Variants in AMELX observed in about 807,000 individuals in gnomAD.
The protein encoded by AMELX is amelogenin X-linked.
A neutral mutation model predicts 15.8 loss-of-function variants in AMELX; 9 were observed. The ratio of observed to expected loss-of-function variants is 0.57; its 90% CI spans 0.34 to 0.99. The LOEUF (loss-of-function observed/expected upper bound fraction) is 0.99, where lower values mean the gene tolerates loss of function less well. Ranked by LOEUF, AMELX falls within the 50% of genes least tolerant of loss-of-function variation. The pLI is 0.02. For synonymous variants in AMELX, 61 were observed against 58.8 expected (o/e 1.04, Z -0.17); for missense variants, 107 against 156.2 (o/e 0.68, Z 1.68).
chrX:11,294,690 A>C (rs2048051582), intron 1 of AMELX, 87 bp from the exon 2 acceptor site: 1 of 946,746 alleles, frequency 1.1e-6, no homozygotes, highest in Admixed American at 2.2e-5. Flanking sequence ...GCAATAGACT[A>C]ATGTAGATTA....
At chrX:11,299,122 T>C (rs1363696137) in intron 5 of AMELX, 149 bp downstream of exon 5, 7 of 746,906 alleles carry the variant, frequency 9.4e-6, no homozygotes, top group Non-Finnish European at 1.4e-5. Context: ...CAATATGCTA[T>C]ACCTTTATGT....
At chrX:11,298,417 C>G in intron 4 of AMELX, 131 bp from the exon 5 acceptor site, 1 of 1,125,870 alleles carries the variant, frequency 8.9e-7, no homozygotes, top group Admixed American at 2.2e-5. Context: ...TCTGTGTACA[C>G]AGTTACAAAT....
At chrX:11,295,523 T>G (rs1247725839) in intron 2 of AMELX, among the ~76,000 whole-genome samples, 1 of 111,448 alleles carries the variant, frequency 9.0e-6, no homozygotes, top group African/African-American at 3.3e-5. Context: ...GGCAGAGAAC[T>G]TAGATCACAT....
Position 11,298,276 on chromosome X carries a change from C to T in AMELX, c.143C>T (p.Pro48Leu), listed in dbSNP as rs144955572. The stretch of plus-strand genomic sequence containing the variant: ...AAGTGGTACCAGAGCATAAGGCCAC[C>T]GGTATGTAGACATTTTGTTCCTTAT... ...PLKWYQSIRP[P>L]YPSYGYEPMG... is the part of the protein sequence containing the mutation. The change falls in exon 4 of 6, where the codon CCG (proline) becomes CTG (leucine). Residue 48 changes from proline (P) to leucine (L), a missense_variant and splice_region_variant. Coordinates refer to ENST00000380714, the MANE Select transcript of AMELX (RefSeq NM_001142.2). The T allele has an allele frequency of 1.6e-5, 19 of 1,207,719 alleles. No individual in the cohort carries two copies. Among genetic ancestry groups the T allele is most frequent in the African/African-American group, 1.4e-4 (8 of 56,969 alleles).
At chrX:11,304,308 T>C (rs1340213797), downstream of AMELX, among the ~76,000 whole-genome samples, 1 of 110,729 alleles carries the variant, frequency 9.0e-6, no homozygotes, top group Non-Finnish European at 1.9e-5. Context: ...CAGGCTGGTC[T>C]TGAACTCCTG....
intron 4 of AMELX, 44 bp from the exon 5 acceptor site, chrX:11,298,504 G>A (rs1420484946): frequency 4.1e-6 from 5 of 1,204,947 alleles, no homozygotes; most frequent in Non-Finnish European, 5.6e-6. Context: ...TCTGGTTGGA[G>A]TCACCTGAGC....
At chrX:11,303,369 T>A (rs1332177939), downstream of AMELX, among the ~76,000 whole-genome samples, 4 of 112,247 alleles carry the variant, frequency 3.6e-5, no homozygotes, top group Non-Finnish European at 7.5e-5. Context: ...CACCTGACTC[T>A]TCCAGACGAT....
intron 2 of AMELX, 144 bp from the exon 3 acceptor site, chrX:11,296,635 C>T: frequency 1.5e-6 from 1 of 654,180 alleles, no homozygotes; most frequent in Non-Finnish European, 2.4e-6. Context: ...GTATATTCTG[C>T]ACTATATAGA....
chrX:11,301,371 C>A (rs924649180), downstream of AMELX, among the ~76,000 whole-genome samples: 11 of 112,023 alleles, frequency 9.8e-5, no homozygotes, highest in Non-Finnish European at 1.7e-4. Context: ...GTATAGTCTT[C>A]AAAATGTTAA....
At chrX:11,301,754 A>T, downstream of AMELX, among the ~76,000 whole-genome samples, 1 of 112,362 alleles carries the variant, frequency 8.9e-6, no homozygotes, top group Non-Finnish European at 1.9e-5. Context: ...TGGTGAAAAG[A>T]GCAAGGCCCC....
At chrX:11,296,894 A>G (rs1275669963) in intron 3 of AMELX, 68 bp downstream of exon 3, 14 of 1,117,644 alleles carry the variant, frequency 1.3e-5, no homozygotes, top group Admixed American at 2.2e-5. Flanking sequence ...TGTAAAGAAT[A>G]GTGTGTTGAT....
At chrX:11,300,081 T>C (rs767670963) in intron 5 of AMELX, among the ~76,000 whole-genome samples, 16 of 112,046 alleles carry the variant, frequency 1.4e-4, no homozygotes, top group Non-Finnish European at 2.4e-4. Flanking sequence ...TCGGTGCCTA[T>C]CATTGGCTAT....
At chrX:11,297,958 C>A in intron 3 of AMELX, 1 of 607,454 alleles carries the variant, frequency 1.6e-6, no homozygotes, top group Non-Finnish European at 2.8e-6. Flanking sequence ...TTTAACTCCC[C>A]ATAACCTTAT....
chrX:11,304,777 C>CTTTTTTTT (rs953912280), downstream of AMELX, among the ~76,000 whole-genome samples: 14 of 50,281 alleles, frequency 2.8e-4, 1 homozygote, highest in African/African-American at 7.8e-4. Context: ...CTTTCTTTTA[C>CTTTTTTTT]TTTTTTTTTT....
At position 11,293,472 on chromosome X, in the gene AMELX, T is replaced by C. The variant is rs1212114267; in HGVS notation, c.-13+4T>C. ...CTTGCACTGAATACATTCAAAGGTA[T>C]GTGGATTTTATTTATAATTTGATAT... is the stretch of plus-strand genomic sequence containing the variant. On this transcript the variant is annotated splice_donor_region_variant and intron_variant, in intron 1 of 5. Transcript: ENST00000380714. 1 of 112,322 alleles carries C rather than the reference T, an allele frequency of 8.9e-6. No individual in the cohort carries two copies. The highest frequency in any genetic ancestry group is 1.9e-5 in the Non-Finnish European group (1 of 53,247). 9.3% of individuals were successfully genotyped at this position (112,322 alleles called of 1,213,427 possible).
chrX:11,301,583 T>C (rs1044856861), downstream of AMELX, among the ~76,000 whole-genome samples: 3 of 112,008 alleles, frequency 2.7e-5, no homozygotes, highest in African/African-American at 9.7e-5. Flanking sequence ...ATAACTTTAT[T>C]GGGAGGGTGT....
chrX:11,298,182 T>C (rs1267376409), intron 3 of AMELX, 54 bp from the exon 4 acceptor site: 9 of 1,208,416 alleles, frequency 7.4e-6, no homozygotes, highest in Non-Finnish European at 9.0e-6. Flanking sequence ...TGAGTTTCTA[T>C]ATTGGATGAA....
chrX:11,300,340 C>CA (rs1292853532), intron 5 of AMELX, among the ~76,000 whole-genome samples: 122 of 111,394 alleles, frequency 1.1e-3, no homozygotes, highest in Middle Eastern at 4.7e-3. Flanking sequence ...TGGAGCCTGA[C>CA]ATGCAAGACG....
chrX:11,301,161 T>C (rs1008503126), downstream of AMELX, among the ~76,000 whole-genome samples: 2 of 83,589 alleles, frequency 2.4e-5, no homozygotes, highest in Non-Finnish European at 4.6e-5. Flanking sequence ...AATCAAAATC[T>C]GGTCTTTTGA....
Sources: allele counts gnomAD v4.1 joint callset (sites outside exome capture counted in the v4.1 genomes callset), GRCh38; gene constraint gnomAD v4.1.1; transcripts MANE v1.5; gene names NCBI Gene and HGNC (gene_info 2026-07-23, HGNC 2026-07-21).